Variants in EXOC7 observed in about 807,000 individuals in gnomAD.
EXOC7 encodes exocyst complex component 7, also known as exocyst complex component Exo70.
Under a neutral mutation model 87.6 loss-of-function variants are expected in EXOC7, and 51 were observed. The observed-to-expected ratio is 0.58, with a 90% confidence interval of 0.46 to 0.73. The LOEUF (loss-of-function observed/expected upper bound fraction) is 0.73, where lower values mean the gene tolerates loss of function less well. Among genes scored for constraint, EXOC7 ranks in the 30% least tolerant of loss-of-function variants. EXOC7 has a pLI of 0.00. For synonymous variants in EXOC7, 327 were observed against 357.1 expected (o/e 0.92, Z 0.95); for missense variants, 744 against 888.4 (o/e 0.84, Z 2.07).
chr17:76,091,274 T>C, intron 6 of EXOC7, 39 bp from the exon 7 acceptor site: 2 of 1,581,212 alleles, frequency 1.3e-6, no homozygotes. Context: ...TAAGAAGACC[T>C]AGGAAATGAG....
At chr17:76,102,706 CT>C (rs1450765560) in intron 2 of EXOC7, among the ~76,000 whole-genome samples, 1 of 152,158 alleles carries the variant, frequency 6.6e-6, no homozygotes, top group South Asian at 2.1e-4. Flanking sequence ...TCACTTTGTG[CT>C]TTTCCAGTCT....
rs1231745207 is a variant in EXOC7 at position 76,081,859 on chromosome 17, T to C, written c.*1789A>G. On this transcript the variant is annotated 3_prime_UTR_variant, in exon 19 of 19. Coordinates refer to ENST00000589210, the MANE Select transcript of EXOC7 (RefSeq NM_001013839.4). The stretch of plus-strand genomic sequence containing the variant: ...ACACAGGGACTGGCCCCTGAGCATC[T>C]CCCTGTGCCCTGCCTCCCCCAGTTT... 1 of 1,608,078 alleles carries C rather than the reference T, an allele frequency of 6.2e-7. No individual in the cohort carries two copies. Among genetic ancestry groups the C allele is most frequent in the African/African-American group, 1.3e-5 (1 of 74,820 alleles).
intron 12 of EXOC7, 67 bp downstream of exon 12, chr17:76,087,587 C>CTCTA (rs1381094873): frequency 6.7e-7 from 1 of 1,490,262 alleles, no homozygotes; most frequent in Non-Finnish European, 9.1e-7. Flanking sequence ...GCTACCTGCC[C>CTCTA]TCTAACCCCA....
Position 76,084,079 on chromosome 17 carries a change from T to C in EXOC7, c.1879A>G (p.Thr627Ala), listed in dbSNP as rs139289833. The C allele has an allele frequency of 2.5e-6, 4 of 1,611,004 alleles. No homozygotes were observed. The highest frequency in any genetic ancestry group is 1.7e-4 in the Middle Eastern group (1 of 6,032). ...KIQKAWAIPD[T>A]EQRDRIRQAQ... is the part of the protein sequence containing the mutation. ...TGGCGAATCCTGTCCCTCTGCTCTG[T>C]GTCTGGAATAGCCCAGGCCTTCTGG... The change falls in exon 18 of 19, where the codon ACA (threonine) becomes GCA (alanine). Residue 627 changes from threonine to alanine, a missense_variant. This residue lies in a region of EXOC7 where 228 missense variants were observed against 298.6 expected (regional missense o/e 0.76). Coordinates refer to ENST00000589210, the MANE Select transcript of EXOC7 (RefSeq NM_001013839.4).
chr17:76,086,258 T>C lies in EXOC7; in HGVS notation c.1430-113A>G, dbSNP rs140746643. The C allele has an allele frequency of 9.7e-4, 1,035 of 1,066,668 alleles. 1 individual carries two copies. The highest frequency in any genetic ancestry group is 1.5e-3 in the Admixed American group (77 of 50,282). The allele number at this position is 1,066,668 out of a possible 1,614,324, so 66.1% of individuals were successfully genotyped here. Reference sequence around the variant, plus strand: ...ACACTGAGACAGGCCCTGGGCTTCCTTGGGCAGAGCTGGCTGCCTGCTAAG... The same window carrying C: ...ACACTGAGACAGGCCCTGGGCTTCCCTGGGCAGAGCTGGCTGCCTGCTAAG... On this transcript the variant is annotated intron_variant, in intron 12 of 18. Transcript: ENST00000589210.
chr17:76,082,010 C>G lies in EXOC7; in HGVS notation c.*1638G>C. 1.2e-6 allele frequency: 2 copies of G among 1,611,380 alleles called. No homozygotes were observed. The highest frequency in any genetic ancestry group is 1.7e-6 in the Non-Finnish European group (2 of 1,179,420). On this transcript the variant is annotated 3_prime_UTR_variant, in exon 19 of 19. Transcript: ENST00000589210. ...CCCCAGCCCAGCCCCGAGAGGGGAA[C>G]AGCGAGAGCACGGCAACCCAGGGCC...
chr17:76,100,416 C>T (rs1379969096), intron 4 of EXOC7, among the ~76,000 whole-genome samples: 1 of 150,870 alleles, frequency 6.6e-6, no homozygotes, highest in Non-Finnish European at 1.5e-5. Context: ...CACCTGAGGT[C>T]AGAAGTTTGT....
At chr17:76,086,987 T>G (rs2067241075) in intron 12 of EXOC7, 2 of 1,112,712 alleles carry the variant, frequency 1.8e-6, no homozygotes, top group Non-Finnish European at 2.7e-6. Flanking sequence ...AGAAACGGCA[T>G]GTCAACCCGA....
At chr17:76,103,541 C>A in intron 1 of EXOC7, 92 bp downstream of exon 1, 1 of 1,577,856 alleles carries the variant, frequency 6.3e-7, no homozygotes, top group South Asian at 1.2e-5. Context: ...GCGCTCCCTC[C>A]CACCCCTGCC....
chr17:76,083,932 T>C (rs1404574575), intron 18 of EXOC7, 74 bp downstream of exon 18: 2 of 1,487,102 alleles, frequency 1.3e-6, no homozygotes, highest in African/African-American at 2.8e-5. Flanking sequence ...CCTTTTTCCC[T>C]TGAGGAAGAG....
Position 76,081,901 on chromosome 17 carries a change from G to T in EXOC7, c.*1747C>A. 1.2e-6 allele frequency: 2 copies of T among 1,608,202 alleles called. No individual in the cohort carries two copies. The highest frequency in any genetic ancestry group is 1.7e-6 in the Non-Finnish European group (2 of 1,176,592). On this transcript the variant is annotated 3_prime_UTR_variant, in exon 19 of 19. Coordinates refer to ENST00000589210, the MANE Select transcript of EXOC7 (RefSeq NM_001013839.4). ...CCCCAGTTTACTACTTCACCATCCTGCTGCTGCTGCTCTTCCTCAGCACCA... is the reference window on the plus strand; with the variant it reads ...CCCCAGTTTACTACTTCACCATCCTTCTGCTGCTGCTCTTCCTCAGCACCA...
chr17:76,086,301 C>A (rs150033041), intron 12 of EXOC7, among the ~76,000 whole-genome samples, 156 bp from the exon 13 acceptor site: 1 of 152,228 alleles, frequency 6.6e-6, no homozygotes, highest in African/African-American at 2.4e-5. Flanking sequence ...GTGGCCCCTG[C>A]CGCAGGAAGC....
rs1486841513 is a variant in EXOC7 at position 76,091,142 on chromosome 17, C to A, written c.901+1G>T. 6.2e-7 allele frequency: 1 copy of A among 1,612,932 alleles called. No homozygotes were observed. Among genetic ancestry groups the A allele is most frequent in the Non-Finnish European group, 8.5e-7 (1 of 1,179,002 alleles). On this transcript the variant is annotated splice_donor_variant, in intron 7 of 18. Transcript: ENST00000589210. LOFTEE classifies it high-confidence loss of function. ...ACAGGAGGGGAACACAGGGTGATTA[C>A]CTTCCAGAGGAATGAGGTTAGAGCC...
At chr17:76,099,293 G>A (rs1326141994) in intron 4 of EXOC7, among the ~76,000 whole-genome samples, 2 of 152,298 alleles carry the variant, frequency 1.3e-5, no homozygotes. Flanking sequence ...ATCACCTGAG[G>A]TCAGGAGTTC....
intron 1 of EXOC7, 73 bp downstream of exon 1, chr17:76,103,560 G>A (rs922487944): frequency 6.3e-7 from 1 of 1,593,908 alleles, no homozygotes; most frequent in Non-Finnish European, 8.5e-7. Flanking sequence ...CCTCCTCCAT[G>A]AGTAGACAAT....
intron 15 of EXOC7, 24 bp from the exon 16 acceptor site, chr17:76,084,604 G>A: frequency 6.2e-7 from 1 of 1,607,826 alleles, no homozygotes; most frequent in Non-Finnish European, 8.5e-7. Context: ...AGAGAAGCAT[G>A]AGGGCAGAGG....
chr17:76,103,762 T>C lies in EXOC7; in HGVS notation c.-70A>G. The stretch of plus-strand genomic sequence containing the variant: ...CGGGCCCACCGGGCCCCCGTCCCCG[T>C]CACACCCACTTCCGCTCTTGGTCCC... On this transcript the variant is annotated 5_prime_UTR_variant, in exon 1 of 19. Coordinates refer to ENST00000589210, the MANE Select transcript of EXOC7 (RefSeq NM_001013839.4). 2 of 1,507,762 alleles carry C rather than the reference T, an allele frequency of 1.3e-6. No individual in the cohort carries two copies. The highest frequency in any genetic ancestry group is 1.2e-5 in the South Asian group (1 of 81,920). 93.4% of individuals were successfully genotyped at this position (1,507,762 alleles called of 1,614,324 possible).
Position 76,087,679 on chromosome 17 carries a change from C to T in EXOC7, c.1404G>A (p.Thr468=), listed in dbSNP as rs188172356. ...FLQQLLDFQE[T]AGAMLASQET... The stretch of plus-strand genomic sequence containing the variant: ...CTTGGGAGGCCAGCATGGCGCCTGC[C>T]GTCTCCTGGAAGTCCAAAAGCTGCT... The change falls in exon 12 of 19, where the codon ACG becomes ACA. Residue 468 remains threonine, a synonymous_variant. Coordinates refer to ENST00000589210, the MANE Select transcript of EXOC7 (RefSeq NM_001013839.4). 437 of 1,551,342 alleles carry T rather than the reference C, an allele frequency of 2.8e-4. 2 individuals carry two copies. The East Asian group carries it at 6.5e-3, about 23-fold the overall frequency.
Position 76,085,746 on chromosome 17 carries a change from T to A in EXOC7, c.1547A>T (p.Tyr516Phe). The A allele has an allele frequency of 6.2e-7, 1 of 1,614,040 alleles. No individual in the cohort carries two copies. Among genetic ancestry groups the A allele is most frequent in the Non-Finnish European group, 8.5e-7 (1 of 1,180,022 alleles). The change falls in exon 14 of 19, where the codon TAC becomes TTC. Residue 516 changes from tyrosine to phenylalanine, a missense_variant. Around this residue, in one of 3 missense-constraint regions of EXOC7, gnomAD observed 228 missense variants for 298.6 expected, o/e 0.76. Transcript: ENST00000589210. ...QLNLLSKSKV[Y>F]EDPALSAIFL... ...GATGGCGCTCAGAGCTGGGTCCTCGTACACCTTGGACTTGCTCAGCAAGTT... is the reference window on the plus strand; with the variant it reads ...GATGGCGCTCAGAGCTGGGTCCTCGAACACCTTGGACTTGCTCAGCAAGTT...
Sources: gnomAD v4.1 joint callset for allele counts (sites outside exome capture counted in the v4.1 genomes callset) on GRCh38, gnomAD v4.1.1 for gene constraint, gnomAD v4.1.1 regional missense constraint, MANE v1.5 for transcripts, NCBI Gene and HGNC (gene_info 2026-07-23, HGNC 2026-07-21) for gene names.